Variants in HDAC9 observed in about 807,000 individuals in gnomAD.
HDAC9 encodes the protein MEF-2 interacting transcription repressor (MITR) protein.
HDAC9 carries 41 observed loss-of-function variants against 139.4 expected under a neutral mutation model. The ratio of observed to expected loss-of-function variants is 0.29; its 90% CI spans 0.23 to 0.38. The LOEUF (loss-of-function observed/expected upper bound fraction) is 0.38. HDAC9 is among the 10% of genes least tolerant of loss of function. The pLI is 1.00. For missense variants in HDAC9, 1,147 were observed against 1,297.0 expected (o/e 0.88, Z 1.78); for synonymous variants, 517 against 476.2 (o/e 1.09, Z -1.12).
chr7:18,941,328 A>G (rs919836458), intron 23 of HDAC9, among the ~76,000 whole-genome samples: 3 of 152,012 alleles, frequency 2.0e-5, no homozygotes, highest in African/African-American at 7.2e-5. Context: ...AATTTCACAA[A>G]CAGTGGCTAA....
upstream of HDAC9, among the ~76,000 whole-genome samples, chr7:18,289,151 A>G (rs1797643036): frequency 6.6e-6 from 1 of 152,242 alleles, no homozygotes; most frequent in African/African-American, 2.4e-5. Flanking sequence ...CAGACCAAAT[A>G]TAAAAATATG....
At chr7:18,775,470 T>A (rs1475115959) in intron 16 of HDAC9, among the ~76,000 whole-genome samples, 1 of 152,066 alleles carries the variant, frequency 6.6e-6, no homozygotes, top group Non-Finnish European at 1.5e-5. Flanking sequence ...ACTTGTATCA[T>A]TTTGAGATGT....
At chr7:18,377,260 G>A (rs1785063184) in intron 1 of HDAC9, among the ~76,000 whole-genome samples, 1 of 152,078 alleles carries the variant, frequency 6.6e-6, no homozygotes, top group Admixed American at 6.6e-5. Context: ...CATAAGGGTA[G>A]AGCCATGGAT....
chr7:18,193,958 G>A (rs78064024), intron 2 of HDAC9, among the ~76,000 whole-genome samples: 94 of 152,076 alleles, frequency 6.2e-4, no homozygotes, highest in African/African-American at 2.1e-3. Flanking sequence ...ATTGAGTATC[G>A]GCCATGTAAC....
intron 2 of HDAC9, among the ~76,000 whole-genome samples, chr7:18,569,585 TA>T (rs992639861): frequency 1.3e-5 from 2 of 152,266 alleles, no homozygotes; most frequent in Non-Finnish European, 2.9e-5. Flanking sequence ...CAATATTGGC[TA>T]ATTCTATAAA....
chr7:18,580,781 G>A (rs1012661092), intron 2 of HDAC9, among the ~76,000 whole-genome samples: 13 of 152,086 alleles, frequency 8.5e-5, no homozygotes, highest in African/African-American at 2.9e-4. Flanking sequence ...ATTTTTCCTT[G>A]TAAGTTGATT....
chr7:18,665,925 T>A (rs1165159678), intron 11 of HDAC9, among the ~76,000 whole-genome samples: 1 of 152,056 alleles, frequency 6.6e-6, no homozygotes, highest in Non-Finnish European at 1.5e-5. Flanking sequence ...ATTTACCTTT[T>A]TCTACACCAT....
chr7:18,908,395 A>G (rs1487590403), intron 22 of HDAC9, among the ~76,000 whole-genome samples: 1 of 152,136 alleles, frequency 6.6e-6, no homozygotes, highest in Non-Finnish European at 1.5e-5. Context: ...TGTGATGGGA[A>G]CATTCAAAAT....
chr7:18,905,183 G>A (rs569226593), intron 22 of HDAC9, among the ~76,000 whole-genome samples: 1 of 152,280 alleles, frequency 6.6e-6, no homozygotes. Flanking sequence ...GAGCCACTGC[G>A]CCCGGCCCAG....
At chr7:18,399,888 T>C (rs892361870) in intron 1 of HDAC9, among the ~76,000 whole-genome samples, 1 of 152,192 alleles carries the variant, frequency 6.6e-6, no homozygotes, top group Non-Finnish European at 1.5e-5. Context: ...CACATTCTTT[T>C]CTTTAGTTTT....
intron 12 of HDAC9, among the ~76,000 whole-genome samples, chr7:18,677,365 C>A (rs924514602): frequency 1.5e-4 from 23 of 149,550 alleles, no homozygotes; most frequent in Non-Finnish European, 3.1e-4. Context: ...AGATATGCCA[C>A]AATTTGTTTA....
At chr7:18,900,422 AC>A (rs1801593996) in intron 22 of HDAC9, among the ~76,000 whole-genome samples, 1 of 152,180 alleles carries the variant, frequency 6.6e-6, no homozygotes, top group Non-Finnish European at 1.5e-5. Context: ...GGCTAAACAC[AC>A]AAATGCCAAC....
At chr7:18,352,864 G>A (rs1294982282) in intron 1 of HDAC9, among the ~76,000 whole-genome samples, 1 of 151,956 alleles carries the variant, frequency 6.6e-6, no homozygotes, top group African/African-American at 2.4e-5. Flanking sequence ...ATACAAATCT[G>A]TATCTTCTAA....
intron 1 of HDAC9, among the ~76,000 whole-genome samples, chr7:18,379,021 A>G (rs555641593): frequency 2.0e-5 from 3 of 152,314 alleles, no homozygotes; most frequent in Admixed American, 6.5e-5. Context: ...TAAAAAAATC[A>G]TTATTCTTAC....
intron 16 of HDAC9, 92 bp from the exon 17 acceptor site, chr7:18,793,253 C>G (rs1792489242): frequency 1.2e-6 from 1 of 830,658 alleles, no homozygotes; most frequent in African/African-American, 1.7e-5. Flanking sequence ...GTCCCTCTTC[C>G]CCTGCGACCT....
chr7:18,981,519 G>T (rs1220173160), intron 25 of HDAC9, among the ~76,000 whole-genome samples: 1 of 152,150 alleles, frequency 6.6e-6, no homozygotes, highest in Non-Finnish European at 1.5e-5. Flanking sequence ...GCCTTCATTT[G>T]TGGAGGCTCT....
chr7:18,099,217 TG>T (rs1371300925), intron 1 of HDAC9, among the ~76,000 whole-genome samples: 1 of 152,232 alleles, frequency 6.6e-6, no homozygotes, highest in Non-Finnish European at 1.5e-5. Context: ...CCCAGCACTT[TG>T]GGAGGCCGAG....
intron 9 of HDAC9, among the ~76,000 whole-genome samples, chr7:18,645,367 A>C (rs575838127): frequency 6.6e-6 from 1 of 152,200 alleles, no homozygotes; most frequent in Non-Finnish European, 1.5e-5. Context: ...TTCCCAGAAG[A>C]TTCAAAGTGA....
chr7:18,966,423 C>T (rs1167353201), intron 24 of HDAC9, among the ~76,000 whole-genome samples: 1 of 152,076 alleles, frequency 6.6e-6, no homozygotes, highest in Non-Finnish European at 1.5e-5. Flanking sequence ...AGTTAGGGGT[C>T]GGGAGCCGGT....
Sources: allele counts gnomAD v4.1 joint callset (sites outside exome capture counted in the v4.1 genomes callset), GRCh38; gene constraint gnomAD v4.1.1; transcripts MANE v1.5; gene names NCBI Gene and HGNC (gene_info 2026-07-23, HGNC 2026-07-21).